Variants in PTPMT1 observed in about 807,000 individuals in gnomAD.
PTPMT1 encodes the protein protein tyrosine phosphatase mitochondrial 1.
A neutral mutation model predicts 17.8 loss-of-function variants in PTPMT1; 12 were observed. The ratio of observed to expected loss-of-function variants is 0.67; its 90% CI spans 0.43 to 1.09. The LOEUF is 1.09. Among genes scored for constraint, PTPMT1 ranks in the 50% least tolerant of loss-of-function variants. The pLI is 0.00. For missense variants in PTPMT1, 262 were observed against 266.0 expected (o/e 0.99, Z 0.10); for synonymous variants, 132 against 116.8 (o/e 1.13, Z -0.84).
chr11:47,568,320 T>G (rs1385395148), intron 2 of PTPMT1, among the ~76,000 whole-genome samples: 1 of 152,140 alleles, frequency 6.6e-6, no homozygotes, highest in East Asian at 1.9e-4. Flanking sequence ...TAGAAAGCCT[T>G]GGCAAAATAT....
chr11:47,570,573 C>A (rs1462446148), intron 3 of PTPMT1, among the ~76,000 whole-genome samples: 1 of 152,170 alleles, frequency 6.6e-6, no homozygotes, highest in Non-Finnish European at 1.5e-5. Context: ...GAAACAATAT[C>A]ATAGATAATA....
rs776865061 is a variant in PTPMT1, at chr11:47,571,588, C to T, written c.565C>T (p.Arg189Trp). Reference protein sequence around the residue: ...LKEFHKQITARATKDGTFVIS... With the variant: ...LKEFHKQITAWATKDGTFVIS... ...AGAGTTCCACAAGCAGATTACTGCA[C>T]GGGCAACAAAGGATGGGACTTTTGT... The change falls in exon 4 of 4, where the codon CGG (arginine) becomes TGG (tryptophan). Residue 189 changes from arginine (R) to tryptophan (W), a missense_variant. Transcript: ENST00000326674. 6 of 1,613,744 alleles carry T rather than the reference C, an allele frequency of 3.7e-6. No individual in the cohort carries two copies. Among genetic ancestry groups the T allele is most frequent in the Admixed American group, 1.7e-5 (1 of 59,934 alleles).
chr11:47,570,018 C>A, intron 3 of PTPMT1, 127 bp downstream of exon 3: 1 of 702,902 alleles, frequency 1.4e-6, no homozygotes. Flanking sequence ...CATGGCAAAA[C>A]CGTCTCTACA....
chr11:47,568,360 C>G (rs946714377), intron 2 of PTPMT1, among the ~76,000 whole-genome samples: 1 of 151,980 alleles, frequency 6.6e-6, no homozygotes, highest in Admixed American at 6.6e-5. Context: ...TGAATCACTA[C>G]ACAGGTGCCA....
rs2097252008 is a variant in PTPMT1 at position 47,572,983 on chromosome 11, C to T, written c.*1354C>T. 1.9e-6 allele frequency: 3 copies of T among 1,614,070 alleles called. No homozygotes were observed. The Admixed American group carries it at 5.0e-5, about 27-fold the overall frequency. On this transcript the variant is annotated 3_prime_UTR_variant, in exon 4 of 4. Transcript: ENST00000326674. The stretch of plus-strand genomic sequence containing the variant: ...AGCAGCACCTTAATACCTCTTGTGA[C>T]AGTTACGGCTGAAGTGGCAGGGTCA...
In PTPMT1 at chr11:47,565,746, G is replaced by C; in HGVS notation, c.124G>C (p.Asp42His). 6.3e-7 allele frequency: 1 copy of C among 1,593,232 alleles called. No individual in the cohort carries two copies. Among genetic ancestry groups the C allele is most frequent in the Non-Finnish European group, 8.5e-7 (1 of 1,171,774 alleles). The change falls in exon 1 of 4, where the codon GAC becomes CAC. Residue 42 changes from aspartate to histidine, a missense_variant. Coordinates refer to ENST00000326674, the MANE Select transcript of PTPMT1 (RefSeq NM_175732.3). The part of the protein sequence containing the change: ...RAHRDWYHRI[D>H]PTVLLGALPL... ...GCACCGGGACTGGTACCACCGCATCGACCCCACCGTGCTGCTGGGCGCGCT... is the reference window on the plus strand; with the variant it reads ...GCACCGGGACTGGTACCACCGCATCCACCCCACCGTGCTGCTGGGCGCGCT...
intron 2 of PTPMT1, among the ~76,000 whole-genome samples, chr11:47,568,276 A>G (rs1565927091): frequency 6.6e-6 from 1 of 152,150 alleles, no homozygotes; most frequent in Non-Finnish European, 1.5e-5. Context: ...CCCTCAAAAA[A>G]CAGTGGTAAA....
Position 47,573,158 on chromosome 11 carries a change from G to A in PTPMT1, c.*1529G>A. On this transcript the variant is annotated 3_prime_UTR_variant, in exon 4 of 4. Coordinates refer to ENST00000326674, the MANE Select transcript of PTPMT1 (RefSeq NM_175732.3). The surrounding 1 kb of genome is among the most constrained non-coding windows in gnomAD (Gnocchi z 4.1). The stretch of plus-strand genomic sequence containing the variant: ...TGAAGCTGTCTAGCAAGGGATTGTA[G>A]CACACCAGGGAGTCCCCTTCAGCCA... 6.2e-7 allele frequency: 1 copy of A among 1,614,202 alleles called. No homozygotes were observed. The highest frequency in any genetic ancestry group is 8.5e-7 in the Non-Finnish European group (1 of 1,180,030).
chr11:47,565,619 C>G lies in PTPMT1; in HGVS notation c.-4C>G, dbSNP rs576084961. 11,159 of 1,303,376 alleles carry G rather than the reference C, an allele frequency of 8.6e-3. 66 individuals carry two copies. Among genetic ancestry groups the G allele is most frequent in the Middle Eastern group, 0.01 (35 of 3,462 alleles). The allele number at this position is 1,303,376 out of a possible 1,614,324, so 80.7% of individuals were successfully genotyped here. On this transcript the variant is annotated 5_prime_UTR_variant, in exon 1 of 4. Transcript: ENST00000326674. ...CCGACGGGTCGCCGCTGCGCCGGGC[C>G]GGGATGGCGGCCACCGCGCTGCTGG...
In PTPMT1 at chr11:47,573,061, T is replaced by C; in HGVS notation, c.*1432T>C. The stretch of plus-strand genomic sequence containing the variant: ...TTATATCGGTCCCGGAAGACATAGA[T>C]GCTCCCGTTACAGCTGGCAATCTTC... On this transcript the variant is annotated 3_prime_UTR_variant, in exon 4 of 4. Coordinates refer to ENST00000326674, the MANE Select transcript of PTPMT1 (RefSeq NM_175732.3). The surrounding 1 kb of genome is among the most constrained non-coding windows in gnomAD (Gnocchi z 4.1). 1.2e-6 allele frequency: 2 copies of C among 1,614,116 alleles called. No homozygotes were observed. Among genetic ancestry groups the C allele is most frequent in the Non-Finnish European group, 1.7e-6 (2 of 1,180,020 alleles).
In PTPMT1 at chr11:47,573,197, A is replaced by C; in HGVS notation, c.*1568A>C. On this transcript the variant is annotated 3_prime_UTR_variant, in exon 4 of 4. Transcript: ENST00000326674. The surrounding 1 kb of genome is among the most constrained non-coding windows in gnomAD (Gnocchi z 4.1). ...CCCCTTCAGCCACGATGAACACCAG[A>C]TCTTTATGCACAGCTGCGTGCATGC... 1 of 1,614,138 alleles carries C rather than the reference A, an allele frequency of 6.2e-7. No homozygotes were observed. Among genetic ancestry groups the C allele is most frequent in the Non-Finnish European group, 8.5e-7 (1 of 1,180,016 alleles).
chr11:47,569,771 C>A lies in PTPMT1; in HGVS notation c.327C>A (p.Asp109Glu), dbSNP rs2097248547. 1 of 1,613,952 alleles carries A rather than the reference C, an allele frequency of 6.2e-7. No individual in the cohort carries two copies. Among genetic ancestry groups the A allele is most frequent in the African/African-American group, 1.3e-5 (1 of 74,912 alleles). ...ACATGACTGGGATCCCCACCTTGGA[C>A]AACCTCCAGAAGGGAGTCCAATTTG... is the stretch of plus-strand genomic sequence containing the variant. ...TVDMTGIPTL[D>E]NLQKGVQFAL... Residue 109 changes from aspartate to glutamate, a missense_variant, in exon 3 of 4, where the codon GAC (aspartate) becomes GAA (glutamate). Transcript: ENST00000326674.
intron 1 of PTPMT1, 46 bp from the exon 2 acceptor site, chr11:47,565,860 C>T (rs1287980420): frequency 1.2e-6 from 2 of 1,609,986 alleles, no homozygotes; most frequent in Non-Finnish European, 1.7e-6. Flanking sequence ...TGTCGGGCCG[C>T]TGGGGTCTCC....
chr11:47,570,776 A>G (rs1274435869), intron 3 of PTPMT1, among the ~76,000 whole-genome samples: 1 of 152,204 alleles, frequency 6.6e-6, no homozygotes, highest in Non-Finnish European at 1.5e-5. Context: ...TTTGTAACCT[A>G]AGTTACAAAA....
rs1386235605 is a variant in PTPMT1, at chr11:47,565,608, C to A, written c.-15C>A. 2.3e-6 allele frequency: 3 copies of A among 1,291,446 alleles called. No individual in the cohort carries two copies. The highest frequency in any genetic ancestry group is 2.9e-6 in the Non-Finnish European group (3 of 1,022,376). The allele number at this position is 1,291,446 out of a possible 1,614,324, so 80.0% of individuals were successfully genotyped here. On this transcript the variant is annotated 5_prime_UTR_variant, in exon 1 of 4. In the 5' UTR this introduces an upstream ATG that the reference lacks. Transcript: ENST00000326674. ...GAGCGCGGGGGCCGACGGGTCGCCG[C>A]TGCGCCGGGCCGGGATGGCGGCCAC...
chr11:47,570,832 G>A (rs1384578937), intron 3 of PTPMT1, among the ~76,000 whole-genome samples: 1 of 152,150 alleles, frequency 6.6e-6, no homozygotes, highest in Non-Finnish European at 1.5e-5. Context: ...GAATAGCTAA[G>A]TCTGGCCTTG....
chr11:47,570,415 C>T (rs1471952918), intron 3 of PTPMT1, among the ~76,000 whole-genome samples: 1 of 152,124 alleles, frequency 6.6e-6, no homozygotes, highest in Non-Finnish European at 1.5e-5. Flanking sequence ...CTGCCTTATG[C>T]AACATGTTTT....
intron 2 of PTPMT1, among the ~76,000 whole-genome samples, chr11:47,568,938 G>A (rs1320142762): frequency 8.6e-5 from 13 of 151,686 alleles, no homozygotes; most frequent in African/African-American, 2.9e-4. Flanking sequence ...TGATCTGCCC[G>A]CCTTGGCCTT....
intron 2 of PTPMT1, among the ~76,000 whole-genome samples, chr11:47,567,559 CTTTT>C (rs370022255): frequency 1.7e-5 from 2 of 116,134 alleles, no homozygotes; most frequent in Admixed American, 9.8e-5. Context: ...TATTTCTTTT[CTTTT>C]TTTTTTTTTT....
Sources: allele counts gnomAD v4.1 joint callset (sites outside exome capture counted in the v4.1 genomes callset), GRCh38; gene constraint gnomAD v4.1.1; non-coding constraint Gnocchi (gnomAD v3.1); transcripts MANE v1.5; gene names NCBI Gene and HGNC (gene_info 2026-07-23, HGNC 2026-07-21).